The following DVL1 variants were observed in gnomAD, a reference collection of about 807,000 sequenced individuals.
The protein encoded by DVL1 is segment polarity protein dishevelled homolog DVL-1.
DVL1 carries 49 observed loss-of-function variants against 65.0 expected under a neutral mutation model. The observed-to-expected ratio is 0.75, with a 90% CI of 0.60 to 0.96. The LOEUF is 0.96. Among genes scored for constraint, DVL1 ranks in the 40% least tolerant of loss-of-function variants. The pLI is 0.00. For synonymous variants in DVL1, 608 were observed against 433.9 expected (o/e 1.40, Z -4.99); for missense variants, 1,197 against 1,045.4 (o/e 1.15, Z -2.00).
rs1359542325 is a variant in DVL1, at chr1:1,348,914, G to A, written c.152C>T (p.Ser51Phe). The change falls in exon 1 of 15, where the codon TCC becomes TTC. Residue 51 changes from serine (S) to phenylalanine (F), a missense_variant. Coordinates refer to ENST00000378888, the MANE Select transcript of DVL1 (RefSeq NM_001330311.2). ...PVHAYKFFFKSMDQDFGVVKE... is the reference protein window; with the variant it reads ...PVHAYKFFFKFMDQDFGVVKE... ...GACTGACCCGAAGTCCTGGTCCATG[G>A]ACTTAAAGAAGAATTTGTAGGCGTG... 1.9e-6 allele frequency: 3 copies of A among 1,567,958 alleles called. No homozygotes were observed. Among genetic ancestry groups the A allele is most frequent in the South Asian group, 2.2e-5 (2 of 89,626 alleles).
At position 1,340,297 on chromosome 1, in the gene DVL1, ATGC is replaced by A; in HGVS notation, c.716_718del (p.Ser239del). 1.2e-6 allele frequency: 2 copies of A among 1,613,966 alleles called. No individual in the cohort carries two copies. Among genetic ancestry groups the A allele is most frequent in the South Asian group, 2.2e-5 (2 of 91,090 alleles). On this transcript the variant is annotated inframe_deletion, in exon 7 of 15. Coordinates refer to ENST00000378888, the MANE Select transcript of DVL1 (RefSeq NM_001330311.2). ...GTTGAGGGACATGGTGGAGTCGGTTATGCTGCTGAAGGAGGAGGCCTATGGAGG... is the reference window on the plus strand; with the variant it reads ...GTTGAGGGACATGGTGGAGTCGGTTATGCTGAAGGAGGAGGCCTATGGAGG...
Position 1,335,811 on chromosome 1 carries a change from G to C in DVL1, c.*331C>G. The C allele has an allele frequency of 2.6e-6, 1 of 382,332 alleles. No individual in the cohort carries two copies. The highest frequency in any genetic ancestry group is 2.1e-5 in the African/African-American group (1 of 46,928). 23.7% of individuals were successfully genotyped at this position (382,332 alleles called of 1,614,324 possible). A position where few individuals can be genotyped will look rare whatever the true frequency, so the allele number is the denominator to read the frequency against. ...TTGCCCCGCATGGACCACCCTGGGGGCCTGGGCACAGCTGTGCAGGAGGTG... is the reference window on the plus strand; with the variant it reads ...TTGCCCCGCATGGACCACCCTGGGGCCCTGGGCACAGCTGTGCAGGAGGTG... On this transcript the variant is annotated 3_prime_UTR_variant, in exon 15 of 15. Transcript: ENST00000378888.
intron 5 of DVL1, among the ~76,000 whole-genome samples, chr1:1,340,809 A>ATGCACACACC (rs985957617): frequency 1.6e-5 from 2 of 127,992 alleles, no homozygotes; most frequent in African/African-American, 6.3e-5. Flanking sequence ...CAAGGCACAC[A>ATGCACACACC]TGCACACACC....
intron 14 of DVL1, chr1:1,336,943 C>G: frequency 2.1e-6 from 2 of 957,534 alleles, no homozygotes; most frequent in Non-Finnish European, 2.5e-6. Context: ...CCTGGGCTCC[C>G]AAGACGCAGT....
intron 5 of DVL1, among the ~76,000 whole-genome samples, chr1:1,341,353 A>G (rs1643818641): frequency 6.7e-6 from 1 of 149,522 alleles, no homozygotes; most frequent in East Asian, 2.0e-4. Flanking sequence ...GCACACAGGT[A>G]CATGCACAGA....
chr1:1,335,761 CAG>C lies in DVL1; in HGVS notation c.*379_*380del, dbSNP rs754280458. 4.8e-4 allele frequency: 110 copies of C among 228,958 alleles called. No homozygotes were observed. Among genetic ancestry groups the C allele is most frequent in the Non-Finnish European group, 8.3e-4 (96 of 116,236 alleles). 14.2% of individuals were successfully genotyped at this position (228,958 alleles called of 1,614,324 possible). On this transcript the variant is annotated 3_prime_UTR_variant, in exon 15 of 15. Transcript: ENST00000378888. ...AAATAAATTAGATCCCTACTCCAGACAGGGGGCCTGTGCACCGCAGGGGGTTG... is the reference window on the plus strand; with the variant it reads ...AAATAAATTAGATCCCTACTCCAGACGGGGCCTGTGCACCGCAGGGGGTTG...
At position 1,337,995 on chromosome 1, in the gene DVL1, C is replaced by G; in HGVS notation, c.1696G>C (p.Gly566Arg). 6.2e-7 allele frequency: 1 copy of G among 1,611,476 alleles called. No homozygotes were observed. Among genetic ancestry groups the G allele is most frequent in the East Asian group, 2.2e-5 (1 of 44,858 alleles). Residue 566 changes from glycine (G) to arginine (R), a missense_variant, in exon 14 of 15, where the codon GGG becomes CGG. Physicochemically the swap from Gly to Arg is moderately radical, Grantham distance 125. Transcript: ENST00000378888. ...PGFSYGSGST[G>R]SQQSEGSKSS... is the part of the protein sequence containing the mutation. ...TTCTCACCTTCACTCTGCTGACTCCCGGTGCTGCCGCTGCCATAGCTAAAG... is the reference window on the plus strand; with the variant it reads ...TTCTCACCTTCACTCTGCTGACTCCGGGTGCTGCCGCTGCCATAGCTAAAG...
intron 1 of DVL1, among the ~76,000 whole-genome samples, chr1:1,346,830 C>T (rs146301796): frequency 1.8e-3 from 275 of 152,316 alleles, no homozygotes; most frequent in African/African-American, 6.2e-3. Flanking sequence ...CCACCCCAGA[C>T]CAGCGAGGAC....
Position 1,342,667 on chromosome 1 carries a change from G to A in DVL1, c.240+22C>T, listed in dbSNP as rs143423496. 0.015 allele frequency: 23,427 copies of A among 1,612,006 alleles called. 222 individuals carry two copies. Among genetic ancestry groups the A allele is most frequent in the Non-Finnish European group, 0.016 (18,918 of 1,179,290 alleles). Reference sequence around the variant, plus strand: ...GGAATGCTCCCCAGGCGAGCCTTCGGGGCCAAGACACAGGGGCTCACCCAG... The same window carrying A: ...GGAATGCTCCCCAGGCGAGCCTTCGAGGCCAAGACACAGGGGCTCACCCAG... On this transcript the variant is annotated intron_variant, in intron 2 of 14. Transcript: ENST00000378888.
In DVL1 at chr1:1,342,707, G is replaced by C; in HGVS notation, c.222C>G (p.Asn74Lys). 1 of 1,613,096 alleles carries C rather than the reference G, an allele frequency of 6.2e-7. No individual in the cohort carries two copies. The highest frequency in any genetic ancestry group is 8.5e-7 in the Non-Finnish European group (1 of 1,179,792). Reference sequence around the variant, plus strand: ...GGCTCACCCAGGAGACCACGCGGCCGTTGAAGCAGGGAAGCTTGGCATTGT... The same window carrying C: ...GGCTCACCCAGGAGACCACGCGGCCCTTGAAGCAGGGAAGCTTGGCATTGT... ...FDDNAKLPCF[N>K]GRVVSWLVLA... The change falls in exon 2 of 15, where the codon AAC becomes AAG. Residue 74 changes from asparagine (N) to lysine (K), a missense_variant. Coordinates refer to ENST00000378888, the MANE Select transcript of DVL1 (RefSeq NM_001330311.2).
chr1:1,342,827 G>A, intron 1 of DVL1, 69 bp from the exon 2 acceptor site: 2 of 1,496,688 alleles, frequency 1.3e-6, no homozygotes, highest in East Asian at 4.6e-5. Flanking sequence ...GGTGAGGCCT[G>A]GAGAGCAGGC....
chr1:1,340,188 A>G lies in DVL1; in HGVS notation c.770-11T>C. ...GAAAGTGATGTCTTTCTGCAGGAAG[A>G]GCCATGAGCCGCGGCCAAGCCCCTG... On this transcript the variant is annotated splice_polypyrimidine_tract_variant and intron_variant, in intron 7 of 14. Transcript: ENST00000378888. The G allele has an allele frequency of 6.2e-7, 1 of 1,613,590 alleles. No individual in the cohort carries two copies. Among genetic ancestry groups the G allele is most frequent in the Non-Finnish European group, 8.5e-7 (1 of 1,179,940 alleles).
intron 14 of DVL1, among the ~76,000 whole-genome samples, chr1:1,337,361 C>A (rs916528193): frequency 4.6e-5 from 7 of 152,204 alleles, no homozygotes; most frequent in African/African-American, 1.7e-4. Context: ...CTCCACCAGG[C>A]AACACCTCAG....
intron 3 of DVL1, 52 bp downstream of exon 3, chr1:1,342,311 A>T: frequency 6.6e-7 from 1 of 1,516,752 alleles, no homozygotes; most frequent in South Asian, 1.2e-5. Flanking sequence ...TTGGCCAGCA[A>T]CCCCCATGAC....
In DVL1 at chr1:1,340,188, A is replaced by C. The variant is rs1168745556; in HGVS notation, c.770-11T>G. The C allele has an allele frequency of 1.2e-6, 2 of 1,613,472 alleles. No individual in the cohort carries two copies. The highest frequency in any genetic ancestry group is 2.7e-5 in the African/African-American group (2 of 74,852). The stretch of plus-strand genomic sequence containing the variant: ...GAAAGTGATGTCTTTCTGCAGGAAG[A>C]GCCATGAGCCGCGGCCAAGCCCCTG... On this transcript the variant is annotated splice_polypyrimidine_tract_variant and intron_variant, in intron 7 of 14. Transcript: ENST00000378888.
chr1:1,337,950 A>C, intron 14 of DVL1, 27 bp downstream of exon 14: 1 of 1,592,702 alleles, frequency 6.3e-7, no homozygotes, highest in Non-Finnish European at 8.6e-7. Context: ...GGAGCCGGGG[A>C]AGGGCAGGTA....
At chr1:1,346,604 G>C (rs1395216966) in intron 1 of DVL1, among the ~76,000 whole-genome samples, 1 of 152,210 alleles carries the variant, frequency 6.6e-6, no homozygotes, top group Non-Finnish European at 1.5e-5. Context: ...TCACCCACTG[G>C]GCCAAAGCCG....
rs763780144 is a variant in DVL1, at chr1:1,338,139, C to A, written c.1552G>T (p.Asp518Tyr). The part of the protein sequence containing the change: ...NLNSGSSGTS[D>Y]QDTLAPLPHP... ...GGCAGCGGGGCCAGCGTGTCCTGAT[C>A]CGAAGTCCCACTGGAGCCACTGTTG... is the stretch of plus-strand genomic sequence containing the variant. The change falls in exon 14 of 15, where the codon GAT becomes TAT. Residue 518 changes from aspartate (D) to tyrosine (Y), a missense_variant. Transcript: ENST00000378888. 1.9e-6 allele frequency: 3 copies of A among 1,609,448 alleles called. No homozygotes were observed. Among genetic ancestry groups the A allele is most frequent in the Non-Finnish European group, 1.7e-6 (2 of 1,178,510 alleles).
chr1:1,336,186 T>C lies in DVL1; in HGVS notation c.2044A>G (p.Lys682Glu). The change falls in exon 15 of 15, where the codon AAG (lysine) becomes GAG (glutamate). Residue 682 changes from lysine to glutamate, a missense_variant. Coordinates refer to ENST00000378888, the MANE Select transcript of DVL1 (RefSeq NM_001330311.2). ...ELTGSRQSFQ[K>E]AMGNPCEFFV... ...AACTCGCAGGGGTTCCCCATAGCCT[T>C]CTGGAAGGACTGGCGGCTGCCTGTC... is the stretch of plus-strand genomic sequence containing the variant. 1 of 1,572,700 alleles carries C rather than the reference T, an allele frequency of 6.4e-7. No individual in the cohort carries two copies. The highest frequency in any genetic ancestry group is 8.6e-7 in the Non-Finnish European group (1 of 1,164,806).
Sources: allele counts gnomAD v4.1 joint callset (sites outside exome capture counted in the v4.1 genomes callset), GRCh38; gene constraint gnomAD v4.1.1; transcripts MANE v1.5; gene names NCBI Gene and HGNC (gene_info 2026-07-23, HGNC 2026-07-21).